CYP7B1: variants seen among roughly 807,000 people sequenced by gnomAD.
CYP7B1 encodes the protein cytochrome P450 family 7 subfamily B member 1.
CYP7B1 carries 29 observed loss-of-function variants against 42.7 expected under a neutral mutation model. The ratio of observed to expected loss-of-function variants is 0.68; its 90% CI spans 0.51 to 0.93. The LOEUF (loss-of-function observed/expected upper bound fraction) is 0.93. CYP7B1 is among the 40% of genes least tolerant of loss of function. The probability of loss-of-function intolerance (pLI) is 0.00; values close to 1 mark genes in which losing one functional copy is unlikely to be tolerated. For synonymous variants in CYP7B1, 235 were observed against 218.2 expected (o/e 1.08, Z -0.68); for missense variants, 655 against 600.5 (o/e 1.09, Z -0.95).
chr8:64,645,707 C>A, intron 1 of CYP7B1, among the ~76,000 whole-genome samples: 1 of 151,964 alleles, frequency 6.6e-6, no homozygotes, highest in African/African-American at 2.4e-5. Flanking sequence ...CTTTAAAGTT[C>A]ATATGGAACC....
chr8:64,710,093 C>T (rs1180322453), intron 1 of CYP7B1, among the ~76,000 whole-genome samples: 1 of 152,040 alleles, frequency 6.6e-6, no homozygotes, highest in African/African-American at 2.4e-5. Flanking sequence ...GATTCAGGCT[C>T]GCTGATTCCA....
chr8:64,743,360 A>G (rs543609415), intron 1 of CYP7B1, among the ~76,000 whole-genome samples: 1 of 152,002 alleles, frequency 6.6e-6, no homozygotes, highest in South Asian at 2.1e-4. Context: ...CCAAATCAAG[A>G]AAAGCAAAGT....
intron 2 of CYP7B1, among the ~76,000 whole-genome samples, chr8:64,623,137 T>A (rs1271300442): frequency 6.6e-6 from 1 of 152,222 alleles, no homozygotes; most frequent in Non-Finnish European, 1.5e-5. Context: ...ATAGCTATGA[T>A]GTATTCCTTC....
intron 1 of CYP7B1, among the ~76,000 whole-genome samples, chr8:64,761,628 T>C (rs1375692165): frequency 6.6e-6 from 1 of 152,188 alleles, no homozygotes; most frequent in Non-Finnish European, 1.5e-5. Flanking sequence ...GAAACGAGTC[T>C]AGTCAGTTCC....
At position 64,615,986 on chromosome 8, in the gene CYP7B1, G is replaced by A; in HGVS notation, c.555C>T (p.Ser185=). 1.2e-6 allele frequency: 2 copies of A among 1,613,662 alleles called. No individual in the cohort carries two copies. Among genetic ancestry groups the A allele is most frequent in the Admixed American group, 3.3e-5 (2 of 59,928 alleles). Residue 185 remains serine (S), a synonymous_variant, in exon 3 of 6, where the codon AGC becomes AGT. Transcript: ENST00000310193. ...TAAATGTGATCTCAAATATTATTGA[G>A]CTGCAGAATGGATACAGTTCTGCCG... ...WDTAELYPFC[S]SIIFEITFTT...
chr8:64,628,811 C>A (rs1805645737), intron 1 of CYP7B1, among the ~76,000 whole-genome samples: 1 of 152,130 alleles, frequency 6.6e-6, no homozygotes, highest in Admixed American at 6.5e-5. Context: ...AAAGAGTAGA[C>A]CAACACAGAA....
At chr8:64,768,470 T>C (rs984731642) in intron 1 of CYP7B1, among the ~76,000 whole-genome samples, 1 of 152,234 alleles carries the variant, frequency 6.6e-6, no homozygotes, top group African/African-American at 2.4e-5. Context: ...GTTTTAAGTC[T>C]TTTCCTGTAA....
In CYP7B1 at chr8:64,767,052, G is replaced by T. The variant is rs1159376584; in HGVS notation, c.122+31414C>A. 3.3e-5 allele frequency among the ~76,000 whole-genome samples: 5 copies of T among 152,290 alleles called. No homozygotes were observed. The South Asian group carries it at 1.0e-3, about 32-fold the overall frequency. On this transcript the variant is annotated intron_variant, in intron 1 of 5. Coordinates refer to ENST00000310193, the MANE Select transcript of CYP7B1 (RefSeq NM_004820.5). ...TCTTTTCACATGCCTTTCTAATTAT[G>T]CCTGAAAGCCTCACTCCTTTGTTAG...
At chr8:64,683,547 G>A (rs1806572133) in intron 1 of CYP7B1, among the ~76,000 whole-genome samples, 1 of 152,102 alleles carries the variant, frequency 6.6e-6, no homozygotes, top group East Asian at 1.9e-4. Context: ...ACTATAGTTA[G>A]TAATAACTTA....
chr8:64,639,125 C>A (rs956093145), intron 1 of CYP7B1, among the ~76,000 whole-genome samples: 1 of 151,278 alleles, frequency 6.6e-6, no homozygotes, highest in African/African-American at 2.4e-5. Context: ...AAATAGGACA[C>A]AAACTAAGAA....
chr8:64,692,970 G>T (rs903198528), intron 1 of CYP7B1, among the ~76,000 whole-genome samples: 2 of 152,252 alleles, frequency 1.3e-5, no homozygotes, highest in African/African-American at 4.8e-5. Flanking sequence ...ATTCAAAGCT[G>T]TCTCCTCATG....
chr8:64,662,243 G>A (rs534898489), intron 1 of CYP7B1, among the ~76,000 whole-genome samples: 1 of 152,144 alleles, frequency 6.6e-6, no homozygotes, highest in Non-Finnish European at 1.5e-5. Context: ...AGAGAAGGGA[G>A]GATTACTTGA....
At chr8:64,761,685 G>C (rs559759383) in intron 1 of CYP7B1, among the ~76,000 whole-genome samples, 39 of 152,302 alleles carry the variant, frequency 2.6e-4, no homozygotes, top group African/African-American at 7.9e-4. Context: ...CCTGCTCTCT[G>C]CTGACCACCT....
chr8:64,609,042 T>C (rs1389334999), intron 4 of CYP7B1, among the ~76,000 whole-genome samples: 1 of 152,172 alleles, frequency 6.6e-6, no homozygotes, highest in East Asian at 1.9e-4. Context: ...ACACAGCACA[T>C]GGACTTGGCC....
At chr8:64,731,130 T>A (rs911930489) in intron 1 of CYP7B1, among the ~76,000 whole-genome samples, 2 of 152,142 alleles carry the variant, frequency 1.3e-5, no homozygotes, top group Non-Finnish European at 2.9e-5. Context: ...CTCCGGTATG[T>A]CTTTATTAGC....
chr8:64,609,052 C>T (rs1805327554), intron 4 of CYP7B1, among the ~76,000 whole-genome samples: 1 of 152,118 alleles, frequency 6.6e-6, no homozygotes, highest in African/African-American at 2.4e-5. Flanking sequence ...TGGACTTGGC[C>T]TTCATGGACA....
chr8:64,692,020 T>C (rs544809726), intron 1 of CYP7B1, among the ~76,000 whole-genome samples: 1 of 152,114 alleles, frequency 6.6e-6, no homozygotes, highest in Non-Finnish European at 1.5e-5. Context: ...ATGTCCTCTG[T>C]GGCCAAAACA....
chr8:64,707,607 A>G (rs1296290231), intron 1 of CYP7B1, among the ~76,000 whole-genome samples: 1 of 152,092 alleles, frequency 6.6e-6, no homozygotes, highest in Non-Finnish European at 1.5e-5. Context: ...AATTACTAAC[A>G]TGGCAGGCTA....
chr8:64,775,496 CTT>C (rs1804309431), intron 1 of CYP7B1, among the ~76,000 whole-genome samples: 1 of 152,028 alleles, frequency 6.6e-6, no homozygotes. Context: ...TAGTTCTTTC[CTT>C]AGTTACTAAT....
Sources: allele counts gnomAD v4.1 joint callset (sites outside exome capture counted in the v4.1 genomes callset), GRCh38; gene constraint gnomAD v4.1.1; transcripts MANE v1.5; gene names NCBI Gene and HGNC (gene_info 2026-07-23, HGNC 2026-07-21).